Variants in GRM5 observed in about 807,000 individuals in gnomAD.
GRM5 encodes metabotropic glutamate receptor 5.
In GRM5, 19 loss-of-function variants were observed where a neutral mutation model predicts 83.1. The ratio of observed to expected loss-of-function variants is 0.23; its 90% CI spans 0.16 to 0.34. GRM5 has a LOEUF of 0.34. Among genes scored for constraint, GRM5 ranks in the 10% least tolerant of loss-of-function variants. GRM5 has a pLI of 1.00. For synonymous variants in GRM5, 675 were observed against 633.6 expected, an observed-to-expected ratio of 1.07 and a Z score of -0.98; for missense variants, 1,160 against 1,588.3, an observed-to-expected ratio of 0.73 and a Z score of 4.58.
chr11:88,852,738 T>C (rs1944407983), intron 2 of GRM5, among the ~76,000 whole-genome samples: 1 of 151,990 alleles, frequency 6.6e-6, no homozygotes, highest in African/African-American at 2.4e-5. Context: ...ACATAAAAAT[T>C]TTACAGAATA....
chr11:88,599,420 C>G (rs1003151268), intron 5 of GRM5, among the ~76,000 whole-genome samples: 2 of 152,178 alleles, frequency 1.3e-5, no homozygotes. Context: ...GATATTATCA[C>G]TCACAGCTTA....
chr11:88,602,317 A>T (rs1467484946), intron 5 of GRM5, among the ~76,000 whole-genome samples: 5 of 152,162 alleles, frequency 3.3e-5, no homozygotes, highest in Non-Finnish European at 7.3e-5. Context: ...TGGGTTCTGT[A>T]ACACCTGGCA....
intron 3 of GRM5, among the ~76,000 whole-genome samples, chr11:88,808,975 G>T (rs892160777): frequency 6.6e-6 from 1 of 152,054 alleles, no homozygotes; most frequent in Non-Finnish European, 1.5e-5. Flanking sequence ...CCATGGGGAA[G>T]AATAGACAGA....
intron 3 of GRM5, among the ~76,000 whole-genome samples, chr11:88,771,115 T>C (rs887912487): frequency 1.3e-5 from 2 of 152,044 alleles, no homozygotes; most frequent in African/African-American, 4.8e-5. Context: ...TTTTTAGAGA[T>C]CACCTAGCCC....
At chr11:88,891,882 C>A (rs1384624238) in intron 2 of GRM5, among the ~76,000 whole-genome samples, 1 of 151,928 alleles carries the variant, frequency 6.6e-6, no homozygotes, top group Non-Finnish European at 1.5e-5. Flanking sequence ...TCAAGTGAAA[C>A]AAGAGTTGTC....
chr11:88,578,750 A>G (rs1483490134), intron 7 of GRM5, among the ~76,000 whole-genome samples: 1 of 152,186 alleles, frequency 6.6e-6, no homozygotes, highest in Non-Finnish European at 1.5e-5. Flanking sequence ...AAGGCATTTT[A>G]GAATTTATCA....
chr11:88,979,532 C>T (rs905621565), intron 2 of GRM5, among the ~76,000 whole-genome samples: 14 of 152,120 alleles, frequency 9.2e-5, no homozygotes, highest in Non-Finnish European at 1.9e-4. Context: ...TGTCAAGACT[C>T]TTTAGAGATG....
chr11:88,859,981 A>G (rs1944534566), intron 2 of GRM5, among the ~76,000 whole-genome samples: 1 of 152,174 alleles, frequency 6.6e-6, no homozygotes, highest in Non-Finnish European at 1.5e-5. Context: ...GTAAAATAAG[A>G]GGGGGCTCTT....
In GRM5 at chr11:88,509,430, G is replaced by C; in HGVS notation, c.2801C>G (p.Ser934Cys). 6.2e-7 allele frequency: 1 copy of C among 1,612,548 alleles called. No homozygotes were observed. Among genetic ancestry groups the C allele is most frequent in the Non-Finnish European group, 8.5e-7 (1 of 1,179,588 alleles). ...SRGQHLWQRL[S>C]IHINKKENPN... ...GTTTTCTTTCTTGTTGATGTGGATG[G>C]ACAGGCGCTGCCACAGGTGCTGCCC... The change falls in exon 10 of 10, where the codon TCC becomes TGC. Residue 934 changes from serine (S) to cysteine (C), a missense_variant. Physicochemically the swap from Ser to Cys is moderately radical, Grantham distance 112. Transcript: ENST00000305447.
intron 2 of GRM5, among the ~76,000 whole-genome samples, chr11:88,931,600 G>A (rs946002818): frequency 2.6e-5 from 4 of 152,110 alleles, no homozygotes; most frequent in Non-Finnish European, 5.9e-5. Flanking sequence ...AGCAAAGACA[G>A]AGACTTGTGA....
Position 88,911,879 on chromosome 11 carries a change from G to T in GRM5, c.662-61724C>A, listed in dbSNP as rs191312167. The T allele has an allele frequency of 3.0e-3, 1,098 of 362,832 alleles. 2 individuals carry two copies. The highest frequency in any genetic ancestry group is 8.3e-3 in the South Asian group (371 of 44,482). 22.5% of individuals were successfully genotyped at this position (362,832 alleles called of 1,614,324 possible). ...CAGTTTTATTTGGGAAGAAGAAAAA[G>T]TCCCTCTTTTGGAAATGGTGGTGGG... On this transcript the variant is annotated intron_variant, in intron 2 of 9. Coordinates refer to ENST00000305447, the MANE Select transcript of GRM5 (RefSeq NM_001143831.3).
At chr11:88,997,474 G>A (rs1345756316) in intron 2 of GRM5, among the ~76,000 whole-genome samples, 2 of 149,072 alleles carry the variant, frequency 1.3e-5, no homozygotes, top group African/African-American at 4.9e-5. Context: ...TAATAAACTT[G>A]AAAATAAAAA....
intron 3 of GRM5, among the ~76,000 whole-genome samples, chr11:88,665,012 C>G (rs1405805408): frequency 6.6e-6 from 1 of 152,016 alleles, no homozygotes; most frequent in African/African-American, 2.4e-5. Flanking sequence ...AAGCAAATTG[C>G]CCAGGGTTGC....
chr11:88,603,437 C>T (rs750641216), intron 5 of GRM5, among the ~76,000 whole-genome samples: 2 of 152,178 alleles, frequency 1.3e-5, no homozygotes, highest in Non-Finnish European at 2.9e-5. Context: ...TGACCTGAGC[C>T]TAAAGACTGA....
At chr11:88,669,574 C>A (rs923622096) in intron 3 of GRM5, among the ~76,000 whole-genome samples, 3 of 151,978 alleles carry the variant, frequency 2.0e-5, no homozygotes, top group African/African-American at 7.2e-5. Context: ...AGATATACTA[C>A]AGATACACTA....
intron 3 of GRM5, among the ~76,000 whole-genome samples, chr11:88,748,554 G>T (rs1942192107): frequency 1.3e-5 from 2 of 152,188 alleles, no homozygotes; most frequent in South Asian, 4.1e-4. Flanking sequence ...ATGAGAAAGG[G>T]TTCACCGCAA....
chr11:88,815,998 G>A (rs1165682890), intron 3 of GRM5, among the ~76,000 whole-genome samples: 1 of 149,446 alleles, frequency 6.7e-6, no homozygotes, highest in Admixed American at 6.6e-5. Context: ...TGGATCATGA[G>A]GTCAGGAGAT....
intron 3 of GRM5, among the ~76,000 whole-genome samples, chr11:88,676,089 T>C (rs1217659887): frequency 1.3e-5 from 2 of 152,058 alleles, no homozygotes; most frequent in African/African-American, 4.8e-5. Context: ...CAAAGTATTT[T>C]ATCCTTTAGG....
At chr11:88,893,523 C>T (rs1945182553) in intron 2 of GRM5, among the ~76,000 whole-genome samples, 1 of 152,032 alleles carries the variant, frequency 6.6e-6, no homozygotes, top group African/African-American at 2.4e-5. Context: ...TTAATACTTA[C>T]AGGAAAGATT....
Sources: gnomAD v4.1 joint callset for allele counts (sites outside exome capture counted in the v4.1 genomes callset) on GRCh38, gnomAD v4.1.1 for gene constraint, MANE v1.5 for transcripts, NCBI Gene and HGNC (gene_info 2026-07-23, HGNC 2026-07-21) for gene names.